Variants in NAP1L1 observed in about 807,000 individuals in gnomAD.
NAP1L1 encodes nucleosome assembly protein 1-like 1.
NAP1L1 carries 9 observed loss-of-function variants against 58.9 expected under a neutral mutation model. That is an observed-to-expected ratio of 0.15 (90% CI 0.09 to 0.27). The LOEUF is 0.27. Among genes scored for constraint, NAP1L1 ranks in the 10% least tolerant of loss-of-function variants. The pLI is 1.00. For missense variants in NAP1L1, 302 were observed against 458.8 expected (o/e 0.66, Z 3.12); for synonymous variants, 130 against 138.3 (o/e 0.94, Z 0.42).
chr12:76,047,900 AAC>A lies in NAP1L1; in HGVS notation c.*527_*528del, dbSNP rs1304639952. 6.5e-6 allele frequency: 1 copy of A among 153,092 alleles called. No homozygotes were observed. Among genetic ancestry groups the A allele is most frequent in the Non-Finnish European group, 1.5e-5 (1 of 68,430 alleles). 9.5% of individuals were successfully genotyped at this position (153,092 alleles called of 1,614,324 possible). On this transcript the variant is annotated 3_prime_UTR_variant, in exon 15 of 15. Coordinates refer to ENST00000618691, the MANE Select transcript of NAP1L1 (RefSeq NM_004537.7). ...CACAATAATCCATTAACACTCTAAT[AAC>A]AGTTATTGGGTGTGGTCATACTGGA...
rs190699667 is a variant in NAP1L1 at position 76,058,736 on chromosome 12, G to T, written c.429+1062C>A. Among the ~76,000 whole-genome samples, 378 of 152,222 alleles carry T rather than the reference G, an allele frequency of 2.5e-3. 4 individuals carry two copies. The highest frequency in any genetic ancestry group is 8.2e-3 in the African/African-American group (340 of 41,526). On this transcript the variant is annotated intron_variant, in intron 6 of 14. Coordinates refer to ENST00000618691, the MANE Select transcript of NAP1L1 (RefSeq NM_004537.7). The stretch of plus-strand genomic sequence containing the variant: ...TGAAAAACCCGGTAGACTTTGCGGT[G>T]ACCATTTTTGTTGATTATTTTACTG...
intron 6 of NAP1L1, chr12:76,056,755 G>T (rs916074470): frequency 7.3e-6 from 3 of 412,146 alleles, no homozygotes; most frequent in Non-Finnish European, 1.4e-5. Flanking sequence ...GCTCACGCTT[G>T]TAATCCCAGC....
In NAP1L1 at chr12:76,041,939, G is replaced by A. The variant is rs1424792542; in HGVS notation, c.*6490C>T. The A allele has an allele frequency of 6.6e-6, 1 of 152,098 alleles. No individual in the cohort carries two copies. The highest frequency in any genetic ancestry group is 1.5e-5 in the Non-Finnish European group (1 of 68,018). The allele number at this position is 152,098 out of a possible 1,614,324, so 9.4% of individuals were successfully genotyped here. A position where few individuals can be genotyped will look rare whatever the true frequency, so the allele number is the denominator to read the frequency against. On this transcript the variant is annotated 3_prime_UTR_variant, in exon 15 of 15. Coordinates refer to ENST00000618691, the MANE Select transcript of NAP1L1 (RefSeq NM_004537.7). ...TTTCGTTTTACCCTAGATCATTTCT[G>A]GGTTCTGCCAAAGGCCAAAGAAAGT...
chr12:76,048,327 TA>T lies in NAP1L1; in HGVS notation c.*101del, dbSNP rs1948669139. On this transcript the variant is annotated 3_prime_UTR_variant, in exon 15 of 15. Coordinates refer to ENST00000618691, the MANE Select transcript of NAP1L1 (RefSeq NM_004537.7). ...TCCTGTCCTTTAAAAAAAAATTACC[TA>T]GTCTACCAAGAAAATACAAAAACAT... 1 of 1,342,290 alleles carries T rather than the reference TA, an allele frequency of 7.4e-7. No homozygotes were observed. 83.1% of individuals were successfully genotyped at this position (1,342,290 alleles called of 1,614,324 possible).
At chr12:76,068,777 C>T (rs2137057906) in intron 3 of NAP1L1, 132 bp downstream of exon 3, 1 of 646,700 alleles carries the variant, frequency 1.5e-6, no homozygotes, top group African/African-American at 1.8e-5. Context: ...CACACACACA[C>T]ACTAGAAGTA....
Position 76,046,412 on chromosome 12 carries a change from T to G in NAP1L1, c.*2017A>C, listed in dbSNP as rs1897645. The stretch of plus-strand genomic sequence containing the variant: ...TTTCCTAAAGAATGAAAAAGATGAT[T>G]TTGCTACTTCAGTTCATTAAAAATG... On this transcript the variant is annotated 3_prime_UTR_variant, in exon 15 of 15. Coordinates refer to ENST00000618691, the MANE Select transcript of NAP1L1 (RefSeq NM_004537.7). 652 of 152,460 alleles carry G rather than the reference T, an allele frequency of 4.3e-3. 4 individuals are homozygous for G. Among genetic ancestry groups the G allele is most frequent in the Non-Finnish European group, 6.9e-3 (471 of 67,874 alleles). The allele number at this position is 152,460 out of a possible 1,614,324, so 9.4% of individuals were successfully genotyped here.
rs58558132 is a variant in NAP1L1 at position 76,077,980 on chromosome 12, CA to C, written c.-20-3742del. On this transcript the variant is annotated intron_variant, in intron 1 of 14. Coordinates refer to ENST00000618691, the MANE Select transcript of NAP1L1 (RefSeq NM_004537.7). ...CTTGGGTAAGAGCAAGACCCTGTCT[CA>C]AAAAAAAAAAAAAAAAAAAAGGAAA... 8.0e-3 allele frequency among the ~76,000 whole-genome samples: 530 copies of C among 65,930 alleles called. 6 individuals are homozygous for C. The highest frequency in any genetic ancestry group is 0.03 in the African/African-American group (477 of 15,984). 43.3% of individuals were successfully genotyped at this position (65,930 alleles called of 152,430 possible). A position where few individuals can be genotyped will look rare whatever the true frequency, so the allele number is the denominator to read the frequency against.
At chr12:76,074,061 A>C in intron 2 of NAP1L1, 142 bp downstream of exon 2, 2 of 692,512 alleles carry the variant, frequency 2.9e-6, no homozygotes, top group Non-Finnish European at 5.0e-6. Context: ...CCTTGAATAC[A>C]CTGCACTAGA....
chr12:76,051,836 G>C (rs1421730183), intron 11 of NAP1L1, among the ~76,000 whole-genome samples: 1 of 152,072 alleles, frequency 6.6e-6, no homozygotes, highest in Non-Finnish European at 1.5e-5. Flanking sequence ...CCAACATGGT[G>C]AAACCCCGTC....
intron 6 of NAP1L1, chr12:76,058,136 TTGTC>T: frequency 1.4e-6 from 1 of 691,260 alleles, no homozygotes; most frequent in Non-Finnish European, 2.8e-6. Context: ...ATTTGAAAAT[TTGTC>T]TGTAGTTAAT....
rs1948545147 is a variant in NAP1L1, at chr12:76,040,894, C to T, written c.*7535G>A. 2 of 152,212 alleles carry T rather than the reference C, an allele frequency of 1.3e-5. No individual in the cohort carries two copies. Among genetic ancestry groups the T allele is most frequent in the Non-Finnish European group, 2.9e-5 (2 of 68,046 alleles). 9.4% of individuals were successfully genotyped at this position (152,212 alleles called of 1,614,324 possible). A position where few individuals can be genotyped will look rare whatever the true frequency, so the allele number is the denominator to read the frequency against. ...TATTTCCGATTGCTTAACATTTTCT[C>T]TAGCTTACTTTTTACAGTATATAAT... On this transcript the variant is annotated 3_prime_UTR_variant, in exon 15 of 15. Coordinates refer to ENST00000618691, the MANE Select transcript of NAP1L1 (RefSeq NM_004537.7).
Position 76,045,108 on chromosome 12 carries a change from A to G in NAP1L1, c.*3321T>C, listed in dbSNP as rs921505109. 3 of 152,138 alleles carry G rather than the reference A, an allele frequency of 2.0e-5. No homozygotes were observed. The highest frequency in any genetic ancestry group is 1.9e-4 in the East Asian group (1 of 5,198). 9.4% of individuals were successfully genotyped at this position (152,138 alleles called of 1,614,324 possible). Reference sequence around the variant, plus strand: ...AATCAAGCTCATAATTACCAAGTATATATGTACAGTGCAGATTAAAAAAAA... The same window carrying G: ...AATCAAGCTCATAATTACCAAGTATGTATGTACAGTGCAGATTAAAAAAAA... On this transcript the variant is annotated 3_prime_UTR_variant, in exon 15 of 15. Coordinates refer to ENST00000618691, the MANE Select transcript of NAP1L1 (RefSeq NM_004537.7).
intron 11 of NAP1L1, 71 bp downstream of exon 11, chr12:76,053,020 A>AT (rs1211970310): frequency 3.4e-6 from 5 of 1,455,934 alleles, no homozygotes; most frequent in Non-Finnish European, 4.7e-6. Context: ...CCCACTCTCC[A>AT]TTTTTGAAAT....
chr12:76,073,469 A>G (rs768169041), intron 2 of NAP1L1, among the ~76,000 whole-genome samples: 9 of 146,600 alleles, frequency 6.1e-5, no homozygotes, highest in Admixed American at 2.8e-4. Context: ...CCCAGGACAC[A>G]TGACCTTGCC....
intron 11 of NAP1L1, among the ~76,000 whole-genome samples, chr12:76,051,457 C>T (rs1948824772): frequency 6.6e-6 from 1 of 152,132 alleles, no homozygotes; most frequent in Non-Finnish European, 1.5e-5. Flanking sequence ...AGACAGTACC[C>T]AAACAGCTGT....
chr12:76,048,976 A>G, intron 14 of NAP1L1: 1 of 548,350 alleles, frequency 1.8e-6, no homozygotes, highest in South Asian at 2.6e-5. Context: ...ACCTGAAACT[A>G]TAAAAAGCAC....
At position 76,053,176 on chromosome 12, in the gene NAP1L1, G is replaced by A. The variant is rs200650596; in HGVS notation, c.916+29C>T. ...AAGCAATGCTTTTTATAAAACAACC[G>A]TTAATACTCAAGCTAAAACATTATT... is the stretch of plus-strand genomic sequence containing the variant. On this transcript the variant is annotated intron_variant, in intron 10 of 14. Transcript: ENST00000618691. The A allele has an allele frequency of 3.6e-5, 58 of 1,612,556 alleles. 1 individual carries two copies. In the East Asian group the frequency reaches 8.7e-4, roughly 24 times the overall value.
chr12:76,068,745 C>CACAT, intron 3 of NAP1L1, 164 bp downstream of exon 3: 2 of 508,442 alleles, frequency 3.9e-6, no homozygotes, highest in African/African-American at 2.5e-5. Context: ...TACACACACA[C>CACAT]ACACACACAC....
intron 6 of NAP1L1, chr12:76,057,825 G>A (rs1285418509): frequency 1.9e-6 from 3 of 1,541,192 alleles, no homozygotes; most frequent in South Asian, 1.2e-5. Flanking sequence ...AGAAAAAACA[G>A]AAGAGAGGTG....
Sources: gnomAD v4.1 joint callset for allele counts (sites outside exome capture counted in the v4.1 genomes callset) on GRCh38, gnomAD v4.1.1 for gene constraint, MANE v1.5 for transcripts, NCBI Gene and HGNC (gene_info 2026-07-23, HGNC 2026-07-21) for gene names.